The following GRXCR1 variants were observed in gnomAD, a reference collection of about 807,000 sequenced individuals.
GRXCR1 encodes the protein glutaredoxin and cysteine rich domain containing 1.
GRXCR1 carries 27 observed loss-of-function variants against 27.3 expected under a neutral mutation model. The observed-to-expected ratio is 0.99, with a 90% CI of 0.73 to 1.37. The LOEUF (loss-of-function observed/expected upper bound fraction) is 1.37, where lower values mean the gene tolerates loss of function less well. Among genes scored for constraint, GRXCR1 ranks in the 40% most tolerant of loss-of-function variants. The pLI, the probability that GRXCR1 is intolerant of heterozygous loss-of-function variation, is 0.00. For synonymous variants in GRXCR1, 122 were observed against 131.1 expected, an observed-to-expected ratio of 0.93 and a Z score of 0.47; for missense variants, 379 against 354.4, an observed-to-expected ratio of 1.07 and a Z score of -0.56.
At chr4:42,988,763 G>T (rs986108632) in intron 2 of GRXCR1, among the ~76,000 whole-genome samples, 1 of 152,184 alleles carries the variant, frequency 6.6e-6, no homozygotes, top group African/African-American at 2.4e-5. Flanking sequence ...CCACAAACTT[G>T]TACTGCGACT....
At chr4:42,965,270 G>A (rs2109776346) in intron 2 of GRXCR1, among the ~76,000 whole-genome samples, 1 of 152,140 alleles carries the variant, frequency 6.6e-6, no homozygotes, top group South Asian at 2.1e-4. Context: ...TCATACAGGT[G>A]CTACCTTGCT....
chr4:43,024,153 T>C (rs1321139996), intron 3 of GRXCR1, among the ~76,000 whole-genome samples: 1 of 151,660 alleles, frequency 6.6e-6, no homozygotes, highest in African/African-American at 2.4e-5. Flanking sequence ...ATAGTTTTGT[T>C]GCCATTTGTA....
At chr4:42,942,749 T>G (rs1007989976) in intron 1 of GRXCR1, among the ~76,000 whole-genome samples, 3 of 152,096 alleles carry the variant, frequency 2.0e-5, no homozygotes, top group Admixed American at 1.3e-4. Context: ...AAAAGCATCT[T>G]GTGTCTTGCA....
At chr4:42,996,853 G>A (rs1409022585) in intron 2 of GRXCR1, among the ~76,000 whole-genome samples, 1 of 151,860 alleles carries the variant, frequency 6.6e-6, no homozygotes, top group African/African-American at 2.4e-5. Flanking sequence ...AGACACGTTA[G>A]TAATTATAAA....
At chr4:43,014,733 T>G (rs184387330) in intron 2 of GRXCR1, among the ~76,000 whole-genome samples, 178 of 152,330 alleles carry the variant, frequency 1.2e-3, no homozygotes, top group African/African-American at 4.2e-3. Flanking sequence ...GTGCCTTGGC[T>G]TGTTTTTCTA....
chr4:42,912,256 GT>G (rs1390517198), intron 1 of GRXCR1, among the ~76,000 whole-genome samples: 65 of 152,258 alleles, frequency 4.3e-4, no homozygotes, highest in African/African-American at 1.5e-3. Flanking sequence ...CAGTTTGTAG[GT>G]TAGGAAGAAA....
At chr4:42,913,477 A>G (rs780696419) in intron 1 of GRXCR1, among the ~76,000 whole-genome samples, 5 of 152,202 alleles carry the variant, frequency 3.3e-5, no homozygotes, top group Non-Finnish European at 7.3e-5. Flanking sequence ...GATCTGTGGA[A>G]CTTTGAACTA....
chr4:42,928,907 T>C (rs28368445), intron 1 of GRXCR1, among the ~76,000 whole-genome samples: 1,922 of 152,122 alleles, frequency 0.013, 49 homozygotes, highest in African/African-American at 0.044. Flanking sequence ...GGCTTAGTCC[T>C]TTGCTGTCTC....
intron 1 of GRXCR1, among the ~76,000 whole-genome samples, chr4:42,962,578 A>G (rs562369301): frequency 1.3e-5 from 2 of 152,106 alleles, no homozygotes; most frequent in South Asian, 2.1e-4. Flanking sequence ...TCTATGAAAC[A>G]TAAGAAAAAT....
At chr4:43,018,522 T>G (rs1379672735) in intron 2 of GRXCR1, among the ~76,000 whole-genome samples, 1 of 152,170 alleles carries the variant, frequency 6.6e-6, no homozygotes, top group Non-Finnish European at 1.5e-5. Context: ...TTAAGAATAT[T>G]GAGACAGGTC....
At chr4:42,926,892 C>T (rs1156279362) in intron 1 of GRXCR1, among the ~76,000 whole-genome samples, 1 of 152,036 alleles carries the variant, frequency 6.6e-6, no homozygotes, top group East Asian at 1.9e-4. Context: ...TTCATTAATT[C>T]AGCTTATGCA....
In GRXCR1 at chr4:42,926,485, G is replaced by T. The variant is rs186498880; in HGVS notation, c.384+32835G>T. On this transcript the variant is annotated intron_variant, in intron 1 of 3. Coordinates refer to ENST00000399770, the MANE Select transcript of GRXCR1 (RefSeq NM_001080476.3). ...TTTAAAACTCACCATTCACAGATTT[G>T]GGAATACTGTTTTTTTTTTCCAACT... is the stretch of plus-strand genomic sequence containing the variant. Among the ~76,000 whole-genome samples, 15 of 147,160 alleles carry T rather than the reference G, an allele frequency of 1.0e-4. No homozygotes were observed. The East Asian group carries it at 2.9e-3, about 29-fold the overall frequency.
chr4:42,957,590 T>C (rs56882778), intron 1 of GRXCR1, among the ~76,000 whole-genome samples: 164 of 152,032 alleles, frequency 1.1e-3, no homozygotes, highest in African/African-American at 3.8e-3. Context: ...ATTTTGTAGA[T>C]CCTATAGGTG....
At chr4:42,904,509 C>G (rs1746539695) in intron 1 of GRXCR1, among the ~76,000 whole-genome samples, 1 of 152,138 alleles carries the variant, frequency 6.6e-6, no homozygotes, top group Non-Finnish European at 1.5e-5. Flanking sequence ...AGGGAGATGA[C>G]CTGGTTTCAG....
chr4:42,923,050 C>T (rs1747056349), intron 1 of GRXCR1, among the ~76,000 whole-genome samples: 1 of 152,204 alleles, frequency 6.6e-6, no homozygotes, highest in Non-Finnish European at 1.5e-5. Flanking sequence ...CCCAACCTGA[C>T]ATTAGTCTGC....
intron 2 of GRXCR1, among the ~76,000 whole-genome samples, chr4:42,975,914 G>A (rs1748508658): frequency 6.6e-6 from 1 of 152,116 alleles, no homozygotes; most frequent in Admixed American, 6.6e-5. Context: ...GTCAATTAAA[G>A]AGAAAGAACT....
intron 1 of GRXCR1, among the ~76,000 whole-genome samples, chr4:42,928,840 C>T (rs1450966931): frequency 3.3e-5 from 5 of 151,988 alleles, no homozygotes; most frequent in Non-Finnish European, 7.4e-5. Context: ...AACATTACCA[C>T]AGACATAGGA....
chr4:42,935,185 A>T (rs1318462178), intron 1 of GRXCR1, among the ~76,000 whole-genome samples: 1 of 151,984 alleles, frequency 6.6e-6, no homozygotes, highest in Admixed American at 6.6e-5. Context: ...TCAAAGAATT[A>T]TAGACTCTTA....
chr4:43,014,994 CTTTA>C (rs1255719133), intron 2 of GRXCR1, among the ~76,000 whole-genome samples: 4 of 152,070 alleles, frequency 2.6e-5, no homozygotes, highest in African/African-American at 9.7e-5. Flanking sequence ...ATAAAGAAAG[CTTTA>C]TTGAGCAGGT....
Sources: allele counts gnomAD v4.1 joint callset (sites outside exome capture counted in the v4.1 genomes callset), GRCh38; gene constraint gnomAD v4.1.1; transcripts MANE v1.5; gene names NCBI Gene and HGNC (gene_info 2026-07-23, HGNC 2026-07-21).